SMAD4: variants seen among roughly 807,000 people sequenced by gnomAD.
SMAD4 encodes the protein SMAD family member 4.
SMAD4 carries 7 observed loss-of-function variants against 63.2 expected under a neutral mutation model. The observed-to-expected ratio is 0.11, with a 90% confidence interval of 0.06 to 0.21. SMAD4 has a LOEUF of 0.21. SMAD4 is among the 10% of genes least tolerant of loss of function. The pLI is 1.00. For missense variants in SMAD4, 312 were observed against 693.8 expected, an observed-to-expected ratio of 0.45 and a Z score of 6.18; for synonymous variants, 215 against 235.4, an observed-to-expected ratio of 0.91 and a Z score of 0.79.
chr18:51,065,797 T>C (rs1425934144), intron 9 of SMAD4, among the ~76,000 whole-genome samples, 191 bp downstream of exon 9: 1 of 152,232 alleles, frequency 6.6e-6, no homozygotes, highest in Non-Finnish European at 1.5e-5. Flanking sequence ...GTTTAACATA[T>C]AATGATAAAA....
At chr18:51,074,142 G>A (rs973328425) in intron 10 of SMAD4, among the ~76,000 whole-genome samples, 1 of 151,768 alleles carries the variant, frequency 6.6e-6, no homozygotes, top group Non-Finnish European at 1.5e-5. Context: ...GGGAGGTCAA[G>A]GTAGGAGGAT....
At chr18:51,075,377 A>G (rs1401413234) in intron 10 of SMAD4, among the ~76,000 whole-genome samples, 1 of 152,166 alleles carries the variant, frequency 6.6e-6, no homozygotes, top group Admixed American at 6.5e-5. Context: ...AAGATTATTT[A>G]TGCTTGCTTG....
At chr18:51,059,605 G>A (rs932409392) in intron 7 of SMAD4, among the ~76,000 whole-genome samples, 1 of 152,070 alleles carries the variant, frequency 6.6e-6, no homozygotes, top group African/African-American at 2.4e-5. Context: ...ATTAAATGTT[G>A]GATATAAAAT....
intron 1 of SMAD4, among the ~76,000 whole-genome samples, chr18:51,041,545 G>A (rs1472169453): frequency 6.6e-6 from 1 of 152,194 alleles, no homozygotes; most frequent in African/African-American, 2.4e-5. Flanking sequence ...GTAGTATCCA[G>A]TTGTGACCAT....
intron 1 of SMAD4, among the ~76,000 whole-genome samples, chr18:51,036,342 A>T (rs1408672702): frequency 6.6e-6 from 1 of 152,204 alleles, no homozygotes; most frequent in Non-Finnish European, 1.5e-5. Context: ...TAAATATAAG[A>T]TGAATTAAGG....
intron 10 of SMAD4, among the ~76,000 whole-genome samples, chr18:51,075,134 A>G (rs1207377465): frequency 6.6e-6 from 1 of 152,196 alleles, no homozygotes; most frequent in African/African-American, 2.4e-5. Context: ...ATTGGTGCTA[A>G]TTGGGAAAAG....
intron 5 of SMAD4, among the ~76,000 whole-genome samples, chr18:51,055,850 C>T (rs968096623): frequency 2.0e-5 from 3 of 151,966 alleles, no homozygotes; most frequent in Non-Finnish European, 2.9e-5. Flanking sequence ...TAGTTGCTAC[C>T]GAAAGTACCA....
chr18:51,067,786 C>G (rs1465599704), intron 10 of SMAD4, among the ~76,000 whole-genome samples: 1 of 152,132 alleles, frequency 6.6e-6, no homozygotes, highest in East Asian at 1.9e-4. Context: ...ATTCCTGTAA[C>G]TTGAAATTTG....
Position 51,068,874 on chromosome 18 carries a change from T to A in SMAD4, c.1308+1687T>A, listed in dbSNP as rs1330839561. ...AGTTCAAGGCTGCGGAGAGCCATGA[T>A]CATGCCACTGTGCTCCAGACTAGGT... On this transcript the variant is annotated intron_variant, in intron 10 of 11. Transcript: ENST00000342988. Among the ~76,000 whole-genome samples the A allele has an allele frequency of 2.0e-5, 3 of 152,148 alleles. No homozygotes were observed. In the East Asian group the frequency reaches 5.8e-4, roughly 29 times the overall value.
intron 7 of SMAD4, 100 bp downstream of exon 7, chr18:51,058,556 T>C (rs1217321587): frequency 2.4e-6 from 2 of 835,428 alleles, no homozygotes; most frequent in Non-Finnish European, 4.0e-6. Flanking sequence ...TTATTCATCC[T>C]GTGATTTTGT....
intron 2 of SMAD4, among the ~76,000 whole-genome samples, chr18:51,047,781 G>C (rs992227960): frequency 1.3e-5 from 2 of 151,888 alleles, no homozygotes; most frequent in African/African-American, 4.8e-5. Context: ...GCTAATTTTT[G>C]TATTTTTAGT....
At chr18:51,068,575 T>C (rs1910227876) in intron 10 of SMAD4, among the ~76,000 whole-genome samples, 1 of 152,132 alleles carries the variant, frequency 6.6e-6, no homozygotes, top group African/African-American at 2.4e-5. Flanking sequence ...AGCAATAAAG[T>C]ATTATATTTA....
chr18:51,060,145 A>G (rs1671666551), intron 8 of SMAD4, among the ~76,000 whole-genome samples: 1 of 152,240 alleles, frequency 6.6e-6, no homozygotes, highest in South Asian at 2.1e-4. Context: ...TTTTCAGCTA[A>G]AATGAGAATT....
At chr18:51,043,124 A>G (rs1351442716) in intron 1 of SMAD4, among the ~76,000 whole-genome samples, 1 of 152,192 alleles carries the variant, frequency 6.6e-6, no homozygotes, top group African/African-American at 2.4e-5. Context: ...AATTTTCAAA[A>G]TATGTTTAAG....
intron 10 of SMAD4, among the ~76,000 whole-genome samples, chr18:51,074,755 A>G (rs2144469861): frequency 6.6e-6 from 1 of 152,342 alleles, no homozygotes. Context: ...GTACTGGGTA[A>G]TGCCTTCCAA....
chr18:51,072,968 T>G (rs1386842733), intron 10 of SMAD4, among the ~76,000 whole-genome samples: 2 of 152,154 alleles, frequency 1.3e-5, no homozygotes, highest in African/African-American at 4.8e-5. Context: ...AGTTACAGTG[T>G]GAAGTCAGGA....
At chr18:51,042,287 G>GCCTGCCTCCCTC (rs1568201587) in intron 1 of SMAD4, among the ~76,000 whole-genome samples, 9 of 135,248 alleles carry the variant, frequency 6.7e-5, no homozygotes, top group African/African-American at 2.4e-4. Context: ...TTGCCTGCCT[G>GCCTGCCTCCCTC]CCTCCCTCCC....
chr18:51,083,998 GCGCA>G lies in SMAD4; in HGVS notation c.*5535_*5538del, dbSNP rs780699281. ...GCTGCAATAAACACTTAACGCGCGT[GCGCA>G]CGCGCGCGCGCACACACACACACAC... On this transcript the variant is annotated 3_prime_UTR_variant, in exon 12 of 12. Transcript: ENST00000342988. 134 of 114,550 alleles carry G rather than the reference GCGCA, an allele frequency of 1.2e-3. 1 individual carries two copies. The highest frequency in any genetic ancestry group is 5.7e-3 in the African/African-American group (116 of 20,184). 7.1% of individuals were successfully genotyped at this position (114,550 alleles called of 1,614,324 possible).
chr18:51,052,607 G>GT, intron 4 of SMAD4: 3 of 286,070 alleles, frequency 1.0e-5, no homozygotes, highest in South Asian at 3.2e-5. Flanking sequence ...TATACTATAT[G>GT]TTTTTTTAAT....
Sources: gnomAD v4.1 joint callset for allele counts (sites outside exome capture counted in the v4.1 genomes callset) on GRCh38, gnomAD v4.1.1 for gene constraint, MANE v1.5 for transcripts, NCBI Gene and HGNC (gene_info 2026-07-23, HGNC 2026-07-21) for gene names.